Variants in KCNG3 observed in about 807,000 individuals in gnomAD.
KCNG3 encodes the protein voltage-gated potassium channel regulatory subunit KCNG3.
In KCNG3, 15 loss-of-function variants were observed where a neutral mutation model predicts 29.0. That is an observed-to-expected ratio of 0.52 (90% CI 0.35 to 0.80). The LOEUF is 0.80. KCNG3 is among the 30% of genes least tolerant of loss of function. The pLI is 0.01. For missense variants in KCNG3, 512 were observed against 605.7 expected (o/e 0.85, Z 1.62); for synonymous variants, 322 against 248.9 (o/e 1.29, Z -2.76).
chr2:42,394,512 G>A, the KCNG3 span, among the ~76,000 whole-genome samples: 6 of 152,042 alleles, frequency 3.9e-5, no homozygotes, highest in Non-Finnish European at 8.8e-5. Context: ...TTTTTTCTGT[G>A]AAAGGAAAAT....
At chr2:42,418,951 TTA>T in the KCNG3 span, among the ~76,000 whole-genome samples, 1 of 152,140 alleles carries the variant, frequency 6.6e-6, no homozygotes, top group Non-Finnish European at 1.5e-5. Flanking sequence ...TGATTAATGA[TTA>T]TTAGTAATAA....
intron 1 of KCNG3, among the ~76,000 whole-genome samples, chr2:42,462,457 G>A (rs1326572031): frequency 6.6e-6 from 1 of 152,148 alleles, no homozygotes; most frequent in East Asian, 1.9e-4. Context: ...CCAGCACTTT[G>A]GATTACTTGA....
chr2:42,395,000 G>A, the KCNG3 span, among the ~76,000 whole-genome samples: 4 of 152,116 alleles, frequency 2.6e-5, no homozygotes, highest in Non-Finnish European at 5.9e-5. Flanking sequence ...AATGCCAAGG[G>A]GCCCTGCGAT....
the KCNG3 span, among the ~76,000 whole-genome samples, chr2:42,428,334 G>A: frequency 6.6e-6 from 1 of 151,192 alleles, no homozygotes; most frequent in Non-Finnish European, 1.5e-5. Flanking sequence ...AGTGGTGCAC[G>A]CCTATTATCC....
chr2:42,482,061 C>G (rs1265157517), intron 1 of KCNG3, among the ~76,000 whole-genome samples: 1 of 152,184 alleles, frequency 6.6e-6, no homozygotes, highest in African/African-American at 2.4e-5. Flanking sequence ...TGGGCTCAAA[C>G]AAACTGCCTG....
intron 1 of KCNG3, among the ~76,000 whole-genome samples, chr2:42,472,890 G>GAC (rs140008824): frequency 2.4e-5 from 3 of 124,164 alleles, no homozygotes; most frequent in Non-Finnish European, 5.1e-5. Context: ...TCTATCGATA[G>GAC]ATATATATAT....
the KCNG3 span, among the ~76,000 whole-genome samples, chr2:42,404,682 T>C: frequency 1.3e-5 from 2 of 152,136 alleles, no homozygotes; most frequent in African/African-American, 4.8e-5. Context: ...GAGCTGAGAT[T>C]GTGCCACTGC....
chr2:42,450,588 A>C (rs1311840362), intron 1 of KCNG3, among the ~76,000 whole-genome samples: 1 of 152,230 alleles, frequency 6.6e-6, no homozygotes, highest in East Asian at 1.9e-4. Flanking sequence ...ATTTCTTCTG[A>C]GTTCCAAACA....
the KCNG3 span, among the ~76,000 whole-genome samples, chr2:42,397,827 G>A: frequency 2.3e-3 from 355 of 152,340 alleles, 1 homozygote; most frequent in Non-Finnish European, 4.3e-3. Flanking sequence ...TGTTATGCAT[G>A]AGAAAATCTG....
chr2:42,393,904 C>A, the KCNG3 span, among the ~76,000 whole-genome samples: 20 of 151,946 alleles, frequency 1.3e-4, no homozygotes, highest in African/African-American at 3.1e-4. Context: ...CCTCAGCCTC[C>A]CAAGTAGCTG....
At chr2:42,398,572 A>G in the KCNG3 span, among the ~76,000 whole-genome samples, 2 of 152,222 alleles carry the variant, frequency 1.3e-5, no homozygotes, top group Admixed American at 6.5e-5. Flanking sequence ...ATCTTTTGTT[A>G]TTAATTCTGA....
chr2:42,406,581 C>T, the KCNG3 span, among the ~76,000 whole-genome samples: 7 of 150,180 alleles, frequency 4.7e-5, no homozygotes, highest in Non-Finnish European at 1.0e-4. Flanking sequence ...AATCCCAGCA[C>T]TTTGGGAGGC....
intron 1 of KCNG3, chr2:42,464,141 G>A (rs1572851376): frequency 5.0e-6 from 1 of 201,210 alleles, no homozygotes; most frequent in Admixed American, 6.1e-5. Flanking sequence ...CTAACAACAG[G>A]TAACTAATGT....
chr2:42,390,767 T>G, the KCNG3 span, among the ~76,000 whole-genome samples: 1 of 152,264 alleles, frequency 6.6e-6, no homozygotes, highest in Non-Finnish European at 1.5e-5. Flanking sequence ...ATCAGTGAGC[T>G]ATTAGAACAG....
downstream of KCNG3, among the ~76,000 whole-genome samples, chr2:42,438,445 G>A (rs1462530328): frequency 6.6e-6 from 1 of 152,026 alleles, no homozygotes; most frequent in Admixed American, 6.6e-5. Context: ...AAATAACATA[G>A]AATCACTTAC....
the KCNG3 span, among the ~76,000 whole-genome samples, chr2:42,435,605 G>T: frequency 1.3e-5 from 2 of 152,094 alleles, no homozygotes; most frequent in African/African-American, 2.4e-5. Context: ...AAGGGCAGGG[G>T]TTTAAGTAGA....
At position 42,493,568 on chromosome 2, in the gene KCNG3, C is replaced by A. The variant is rs1673975767; in HGVS notation, c.-67G>T. 8.0e-7 allele frequency: 1 copy of A among 1,249,848 alleles called. No individual in the cohort carries two copies. Among genetic ancestry groups the A allele is most frequent in the Non-Finnish European group, 1.0e-6 (1 of 997,010 alleles). 77.4% of individuals were successfully genotyped at this position (1,249,848 alleles called of 1,614,324 possible). On this transcript the variant is annotated 5_prime_UTR_variant, in exon 1 of 2. Transcript: ENST00000306078. The stretch of plus-strand genomic sequence containing the variant: ...CAGCCCCCCACCCCAAGCCGCCACG[C>A]GGGGCCTGCCTGCCCGTGGCTGACG...
chr2:42,399,804 T>C, the KCNG3 span, among the ~76,000 whole-genome samples: 1 of 152,190 alleles, frequency 6.6e-6, no homozygotes, highest in Non-Finnish European at 1.5e-5. Context: ...AATGGGCTTC[T>C]ATGACACTAC....
At chr2:42,452,243 A>ATATATATATATATTTTTT in intron 1 of KCNG3, among the ~76,000 whole-genome samples, 52 of 95,032 alleles carry the variant, frequency 5.5e-4, no homozygotes, top group East Asian at 1.8e-3. Flanking sequence ...ATATATATAT[A>ATATATATATATATTTTTT]TTTTTTTTTT....
Sources: gnomAD v4.1 joint callset for allele counts (sites outside exome capture counted in the v4.1 genomes callset) on GRCh38, gnomAD v4.1.1 for gene constraint, MANE v1.5 for transcripts, NCBI Gene and HGNC (gene_info 2026-07-23, HGNC 2026-07-21) for gene names.